HIVEP1: variants seen among roughly 807,000 people sequenced by gnomAD.
The protein encoded by HIVEP1 is zinc finger protein 40.
Under a neutral mutation model 180.0 loss-of-function variants are expected in HIVEP1, and 36 were observed. The observed-to-expected ratio is 0.20, with a 90% CI of 0.15 to 0.26. HIVEP1 has a LOEUF of 0.26. Ranked by LOEUF, HIVEP1 falls within the 10% of genes least tolerant of loss-of-function variation. The pLI is 1.00. For missense variants in HIVEP1, 3,143 were observed against 3,268.7 expected (o/e 0.96, Z 0.94); for synonymous variants, 1,239 against 1,239.0 (o/e 1.00, Z 0.00).
Position 12,164,524 on chromosome 6 carries a change from C to A in HIVEP1, c.*63C>A. 1 of 1,279,240 alleles carries A rather than the reference C, an allele frequency of 7.8e-7. No homozygotes were observed. Among genetic ancestry groups the A allele is most frequent in the Non-Finnish European group, 1.1e-6 (1 of 939,270 alleles). 79.2% of individuals were successfully genotyped at this position (1,279,240 alleles called of 1,614,324 possible). On this transcript the variant is annotated 3_prime_UTR_variant, in exon 9 of 9. Transcript: ENST00000379388. ...ACTTAAAGGTTTCTTTGAAAACCCT[C>A]CTTTCCTTAAAGCACATTTTTCTGA...
chr6:12,037,995 A>G (rs1040795530), intron 2 of HIVEP1: 5 of 380,308 alleles, frequency 1.3e-5, no homozygotes, highest in African/African-American at 8.3e-5. Flanking sequence ...GATTACAGGC[A>G]TGAGCCACCG....
At chr6:12,055,870 A>G (rs573323596) in intron 2 of HIVEP1, among the ~76,000 whole-genome samples, 1 of 152,366 alleles carries the variant, frequency 6.6e-6, no homozygotes, top group East Asian at 1.9e-4. Context: ...TGTTCTATTA[A>G]GCTAGTGCTG....
chr6:12,022,056 T>A (rs1032698312), intron 2 of HIVEP1, among the ~76,000 whole-genome samples: 2 of 152,262 alleles, frequency 1.3e-5, no homozygotes, highest in Non-Finnish European at 2.9e-5. Context: ...TAGGAAATGC[T>A]TCTTCCAATA....
chr6:12,204,260 A>G, the HIVEP1 span, among the ~76,000 whole-genome samples: 112,843 of 151,934 alleles, frequency 0.74, 43,601 homozygotes, highest in Non-Finnish European at 0.85. Flanking sequence ...CTTCCCAGCT[A>G]CCAGACACAG....
At chr6:12,022,715 G>C (rs1245861960) in intron 2 of HIVEP1, among the ~76,000 whole-genome samples, 1 of 152,102 alleles carries the variant, frequency 6.6e-6, no homozygotes, top group Admixed American at 6.5e-5. Flanking sequence ...CAGACTCCTT[G>C]GTTCCATATG....
chr6:12,148,114 G>C (rs746292163), intron 7 of HIVEP1, among the ~76,000 whole-genome samples: 5 of 152,140 alleles, frequency 3.3e-5, no homozygotes, highest in Admixed American at 6.5e-5. Flanking sequence ...TACTATATTA[G>C]ACATACAGTA....
chr6:12,017,208 A>G (rs1211839562), intron 2 of HIVEP1, among the ~76,000 whole-genome samples: 1 of 152,192 alleles, frequency 6.6e-6, no homozygotes. Flanking sequence ...TGTTCAACTC[A>G]GCACATGTTT....
At chr6:12,153,477 G>T (rs962090294) in intron 7 of HIVEP1, among the ~76,000 whole-genome samples, 5 of 146,320 alleles carry the variant, frequency 3.4e-5, no homozygotes, top group Admixed American at 7.0e-5. Flanking sequence ...GTATTGGTTT[G>T]TACAGAATGA....
chr6:12,114,783 A>C (rs1311991298), intron 3 of HIVEP1, among the ~76,000 whole-genome samples: 1 of 152,206 alleles, frequency 6.6e-6, no homozygotes, highest in Admixed American at 6.5e-5. Flanking sequence ...GCTACAGTTT[A>C]CAATTCTGTG....
In HIVEP1 at chr6:12,123,181, A is replaced by T. The variant is rs750420053; in HGVS notation, c.3386A>T (p.His1129Leu). Reference sequence around the variant, plus strand: ...CAGGACAAGATAGAACTGCAGAGACACGGAACTGGAATCTCTGTCATCCAG... The same window carrying T: ...CAGGACAAGATAGAACTGCAGAGACTCGGAACTGGAATCTCTGTCATCCAG... ...AAQDKIELQR[H>L]GTGISVIQHT... The change falls in exon 4 of 9, where the codon CAC (histidine) becomes CTC (leucine). Residue 1129 changes from histidine to leucine, a missense_variant. His to Leu is a moderately conservative substitution (Grantham distance 99). Transcript: ENST00000379388. The T allele has an allele frequency of 2.5e-6, 4 of 1,614,226 alleles. No homozygotes were observed. The Admixed American group carries it at 5.0e-5, about 20-fold the overall frequency.
At chr6:12,079,869 A>T (rs1054302887) in intron 2 of HIVEP1, among the ~76,000 whole-genome samples, 6 of 152,128 alleles carry the variant, frequency 3.9e-5, no homozygotes, top group African/African-American at 1.4e-4. Context: ...GCAATTGATT[A>T]TTGCCCTGTG....
chr6:12,142,817 T>G (rs964708164), intron 7 of HIVEP1, among the ~76,000 whole-genome samples: 1 of 152,072 alleles, frequency 6.6e-6, no homozygotes, highest in Non-Finnish European at 1.5e-5. Context: ...ACATACACCC[T>G]CCCAAGACTA....
At chr6:12,167,187 T>G (rs1202345460), downstream of HIVEP1, among the ~76,000 whole-genome samples, 1 of 152,092 alleles carries the variant, frequency 6.6e-6, no homozygotes, top group Non-Finnish European at 1.5e-5. Flanking sequence ...TCTTACTAAT[T>G]AATCCCTGGC....
rs773414935 is a variant in HIVEP1 at position 12,164,381 on chromosome 6, C to G, written c.8077C>G (p.Leu2693Val). The change falls in exon 9 of 9, where the codon CTA becomes GTA. Residue 2693 changes from leucine (L) to valine (V), a missense_variant. Physicochemically the swap from Leu to Val is conservative, Grantham distance 32. Transcript: ENST00000379388. ...PDRQVPRPTA[L>V]PRRQPTVHFS... Reference sequence around the variant, plus strand: ...CAGACAGGTTCCCAGGCCCACAGCACTACCGCGGAGGCAGCCCACTGTGCA... The same window carrying G: ...CAGACAGGTTCCCAGGCCCACAGCAGTACCGCGGAGGCAGCCCACTGTGCA... The G allele has an allele frequency of 8.7e-6, 14 of 1,614,044 alleles. No homozygotes were observed. In the Admixed American group the frequency reaches 2.0e-4, roughly 23 times the overall value.
intron 3 of HIVEP1, among the ~76,000 whole-genome samples, chr6:12,095,871 G>C (rs920030232): frequency 6.6e-6 from 1 of 152,072 alleles, no homozygotes; most frequent in Middle Eastern, 3.4e-3. Flanking sequence ...CTGTGTTATA[G>C]TGATAGTTGA....
intron 3 of HIVEP1, 80 bp from the exon 4 acceptor site, chr6:12,119,810 G>A: frequency 1.1e-6 from 1 of 876,546 alleles, no homozygotes; most frequent in Non-Finnish European, 1.8e-6. Flanking sequence ...CCTTATGATA[G>A]TAATCTTAAT....
chr6:12,177,175 TG>T, the HIVEP1 span, among the ~76,000 whole-genome samples: 5,705 of 151,626 alleles, frequency 0.038, 108 homozygotes, highest in Non-Finnish European at 0.045. Context: ...GGGTGGAGGG[TG>T]GGAGGAGGGA....
In HIVEP1 at chr6:12,125,090, C is replaced by A; in HGVS notation, c.5295C>A (p.Ala1765=). The A allele has an allele frequency of 6.2e-7, 1 of 1,613,624 alleles. No individual in the cohort carries two copies. Among genetic ancestry groups the A allele is most frequent in the Non-Finnish European group, 8.5e-7 (1 of 1,179,896 alleles). ...CCATGGAAAAGCACCAGAAGCGGGC[C>A]AAAGATGAAAATGGAGCTGTTTGTG... is the stretch of plus-strand genomic sequence containing the variant. ...DIAMEKHQKR[A]KDENGAVCAT... is the part of the protein sequence containing the mutation. Residue 1765 remains alanine, a synonymous_variant, in exon 4 of 9, where the codon GCC becomes GCA. Transcript: ENST00000379388.
At chr6:12,167,841 A>T (rs1702130339), downstream of HIVEP1, among the ~76,000 whole-genome samples, 2 of 144,988 alleles carry the variant, frequency 1.4e-5, no homozygotes, top group African/African-American at 5.0e-5. Flanking sequence ...GTACACATGT[A>T]CATGTATAGA....
Sources: allele counts gnomAD v4.1 joint callset (sites outside exome capture counted in the v4.1 genomes callset), GRCh38; gene constraint gnomAD v4.1.1; transcripts MANE v1.5; gene names NCBI Gene and HGNC (gene_info 2026-07-23, HGNC 2026-07-21).